KLHL1: variants seen among roughly 807,000 people sequenced by gnomAD.
KLHL1 encodes kelch-like protein 1.
KLHL1 carries 47 observed loss-of-function variants against 77.7 expected under a neutral mutation model. The ratio of observed to expected loss-of-function variants is 0.60; its 90% confidence interval spans 0.48 to 0.77. The LOEUF (loss-of-function observed/expected upper bound fraction) is 0.77, where lower values mean the gene tolerates loss of function less well. Ranked by LOEUF, KLHL1 falls within the 30% of genes least tolerant of loss-of-function variation. The pLI is 0.00. For synonymous variants in KLHL1, 360 were observed against 325.2 expected (o/e 1.11, Z -1.15); for missense variants, 925 against 910.8 (o/e 1.02, Z -0.20).
intron 6 of KLHL1, among the ~76,000 whole-genome samples, chr13:69,799,560 A>G (rs562001957): frequency 6.6e-6 from 1 of 152,308 alleles, no homozygotes; most frequent in African/African-American, 2.4e-5. Context: ...GCTCATTTCC[A>G]TCTTCATTTT....
intron 4 of KLHL1, among the ~76,000 whole-genome samples, chr13:69,928,862 A>G (rs1882901393): frequency 6.6e-6 from 1 of 152,116 alleles, no homozygotes; most frequent in African/African-American, 2.4e-5. Flanking sequence ...TGAAAATACT[A>G]AAAGGCATTA....
At chr13:69,811,353 T>C (rs989985271) in intron 6 of KLHL1, among the ~76,000 whole-genome samples, 9 of 150,986 alleles carry the variant, frequency 6.0e-5, no homozygotes, top group African/African-American at 2.2e-4. Flanking sequence ...ATTCACCACA[T>C]AAACAGAATT....
chr13:69,705,439 T>C (rs966806954), intron 10 of KLHL1, among the ~76,000 whole-genome samples: 9 of 151,832 alleles, frequency 5.9e-5, no homozygotes, highest in Non-Finnish European at 8.9e-5. Context: ...TATTTTAATA[T>C]AGTTTGCTTA....
At chr13:69,960,604 A>G (rs746289432) in intron 3 of KLHL1, among the ~76,000 whole-genome samples, 48 of 152,026 alleles carry the variant, frequency 3.2e-4, no homozygotes, top group Non-Finnish European at 8.8e-5. Flanking sequence ...GTCCTCATCT[A>G]CATCTTCTGT....
At chr13:70,043,903 C>T (rs957947327) in intron 1 of KLHL1, among the ~76,000 whole-genome samples, 1 of 152,184 alleles carries the variant, frequency 6.6e-6, no homozygotes, top group African/African-American at 2.4e-5. Context: ...CACTTCTAAT[C>T]TGACTCATCA....
At chr13:70,070,763 A>C (rs2137417475) in intron 1 of KLHL1, among the ~76,000 whole-genome samples, 1 of 152,268 alleles carries the variant, frequency 6.6e-6, no homozygotes, top group Middle Eastern at 3.4e-3. Flanking sequence ...TAAGCTAACT[A>C]ACTGATAATG....
chr13:69,954,787 G>C (rs1006850407), intron 3 of KLHL1, among the ~76,000 whole-genome samples: 1 of 136,810 alleles, frequency 7.3e-6, no homozygotes, highest in Non-Finnish European at 1.6e-5. Context: ...TCATACGATA[G>C]TACTAAATGT....
chr13:69,879,420 A>C (rs183383921), intron 5 of KLHL1, among the ~76,000 whole-genome samples: 1 of 151,990 alleles, frequency 6.6e-6, no homozygotes, highest in Admixed American at 6.6e-5. Context: ...CACATATTCT[A>C]TCTTCTCTTG....
At chr13:70,004,320 G>A (rs2137329229) in intron 1 of KLHL1, among the ~76,000 whole-genome samples, 1 of 151,806 alleles carries the variant, frequency 6.6e-6, no homozygotes, top group Admixed American at 6.6e-5. Flanking sequence ...ATGACAACAA[G>A]AAAGAGGAAC....
At chr13:69,752,736 G>A (rs897618952) in intron 7 of KLHL1, among the ~76,000 whole-genome samples, 2 of 152,114 alleles carry the variant, frequency 1.3e-5, no homozygotes, top group Non-Finnish European at 2.9e-5. Flanking sequence ...GACAACCATA[G>A]ATGCAAGTCA....
At chr13:69,773,863 CTATATA>C (rs72007331) in intron 7 of KLHL1, among the ~76,000 whole-genome samples, 3 of 145,960 alleles carry the variant, frequency 2.1e-5, no homozygotes, top group African/African-American at 5.0e-5. Flanking sequence ...AAGTCCTTGG[CTATATA>C]TATATATATA....
chr13:69,753,158 C>T (rs1874560800), intron 7 of KLHL1, among the ~76,000 whole-genome samples: 1 of 152,146 alleles, frequency 6.6e-6, no homozygotes, highest in Admixed American at 6.6e-5. Context: ...CTCTCTTCCT[C>T]TCTGTCTTTC....
chr13:69,858,812 G>A (rs1880022965), intron 5 of KLHL1, among the ~76,000 whole-genome samples: 1 of 152,042 alleles, frequency 6.6e-6, no homozygotes, highest in Admixed American at 6.6e-5. Context: ...GGTTTGCCAA[G>A]CATGGAAAAG....
intron 6 of KLHL1, among the ~76,000 whole-genome samples, chr13:69,811,738 A>G (rs1268625929): frequency 1.3e-5 from 2 of 152,152 alleles, no homozygotes; most frequent in Non-Finnish European, 1.5e-5. Flanking sequence ...CAAAGATTCT[A>G]TCAAAAGACC....
At chr13:69,737,351 G>A (rs150441953) in intron 8 of KLHL1, among the ~76,000 whole-genome samples, 3 of 152,226 alleles carry the variant, frequency 2.0e-5, no homozygotes, top group East Asian at 1.9e-4. Context: ...CAGGAGATCC[G>A]TCCACTCCCG....
chr13:69,923,634 T>C (rs1453673842), intron 4 of KLHL1, among the ~76,000 whole-genome samples: 1 of 152,162 alleles, frequency 6.6e-6, no homozygotes, highest in East Asian at 1.9e-4. Context: ...TTTATAAGAA[T>C]AAAATAGTTG....
intron 4 of KLHL1, among the ~76,000 whole-genome samples, chr13:69,927,375 C>T (rs1464155426): frequency 6.6e-6 from 1 of 151,996 alleles, no homozygotes; most frequent in East Asian, 1.9e-4. Flanking sequence ...ACACCAAAAG[C>T]ACAAGCAATA....
chr13:69,769,189 G>A (rs1875447756), intron 7 of KLHL1, among the ~76,000 whole-genome samples: 1 of 152,176 alleles, frequency 6.6e-6, no homozygotes, highest in South Asian at 2.1e-4. Context: ...ATGACATTAG[G>A]CCCAACTGCT....
chr13:70,088,883 G>A (rs908182020), intron 1 of KLHL1, among the ~76,000 whole-genome samples: 18 of 151,632 alleles, frequency 1.2e-4, no homozygotes, highest in East Asian at 3.9e-4. Flanking sequence ...GGCTATTTAC[G>A]TATTTTTTAT....
Sources: gnomAD v4.1 joint callset for allele counts (sites outside exome capture counted in the v4.1 genomes callset) on GRCh38, gnomAD v4.1.1 for gene constraint, MANE v1.5 for transcripts, NCBI Gene and HGNC (gene_info 2026-07-23, HGNC 2026-07-21) for gene names.